SNX29: variants seen among roughly 807,000 people sequenced by gnomAD.
The protein encoded by SNX29 is sorting nexin 29.
In SNX29, 78 loss-of-function variants were observed where a neutral mutation model predicts 102.1. The observed-to-expected ratio is 0.76, with a 90% CI of 0.64 to 0.92. The LOEUF (loss-of-function observed/expected upper bound fraction) is 0.92, where lower values mean the gene tolerates loss of function less well. Among genes scored for constraint, SNX29 ranks in the 40% least tolerant of loss-of-function variants. The pLI, the probability that SNX29 is intolerant of heterozygous loss-of-function variation, is 0.00. For missense variants in SNX29, 1,280 were observed against 1,061.7 expected, an observed-to-expected ratio of 1.21 and a Z score of -2.86; for synonymous variants, 580 against 414.5, an observed-to-expected ratio of 1.40 and a Z score of -4.85.
At chr16:12,167,654 T>A (rs2076048162) in intron 13 of SNX29, among the ~76,000 whole-genome samples, 1 of 152,110 alleles carries the variant, frequency 6.6e-6, no homozygotes, top group East Asian at 1.9e-4. Context: ...CTTTTAATCC[T>A]CCCAATGAGG....
intron 14 of SNX29, among the ~76,000 whole-genome samples, chr16:12,215,246 G>C (rs2077290007): frequency 6.6e-6 from 1 of 151,314 alleles, no homozygotes; most frequent in Non-Finnish European, 1.5e-5. Flanking sequence ...TGTAATCCCA[G>C]CACTTTGAGA....
chr16:12,324,921 C>A (rs565227412), intron 15 of SNX29, among the ~76,000 whole-genome samples: 2 of 152,136 alleles, frequency 1.3e-5, no homozygotes, highest in African/African-American at 4.8e-5. Flanking sequence ...ATAAAAACAG[C>A]GTTTCAACCG....
intron 11 of SNX29, among the ~76,000 whole-genome samples, chr16:12,105,104 C>G (rs984440092): frequency 6.6e-6 from 1 of 152,224 alleles, no homozygotes; most frequent in Non-Finnish European, 1.5e-5. Context: ...GAGCATGAGG[C>G]AACACCGTGA....
chr16:12,558,074 A>T (rs1373689893), intron 20 of SNX29, among the ~76,000 whole-genome samples: 1 of 152,228 alleles, frequency 6.6e-6, no homozygotes, highest in Non-Finnish European at 1.5e-5. Flanking sequence ...TTGTGCTCTG[A>T]ACATCCCATG....
Position 12,052,052 on chromosome 16 carries a change from T to G in SNX29, c.954T>G (p.Ser318Arg). The G allele has an allele frequency of 6.2e-7, 1 of 1,613,956 alleles. No individual in the cohort carries two copies. The highest frequency in any genetic ancestry group is 2.2e-5 in the East Asian group (1 of 44,886). Residue 318 changes from serine to arginine, a missense_variant, in exon 8 of 21, where the codon AGT (serine) becomes AGG (arginine). Ser to Arg is a moderately radical substitution (Grantham distance 110). Coordinates refer to ENST00000566228, the MANE Select transcript of SNX29 (RefSeq NM_032167.5). ...ESPFGPNSNGSQSSNSWKIDS... is the reference protein window; with the variant it reads ...ESPFGPNSNGRQSSNSWKIDS... Reference sequence around the variant, plus strand: ...CCTTCGGGCCTAACTCCAATGGAAGTCAGAGCAGCAACTCATGGAAAATTG... The same window carrying G: ...CCTTCGGGCCTAACTCCAATGGAAGGCAGAGCAGCAACTCATGGAAAATTG...
chr16:12,173,279 G>A (rs948640071), intron 13 of SNX29, among the ~76,000 whole-genome samples: 3 of 152,170 alleles, frequency 2.0e-5, no homozygotes, highest in Non-Finnish European at 2.9e-5. Context: ...AGTTACATTC[G>A]TGGAGCAATG....
chr16:12,511,266 T>C (rs1424010114), intron 19 of SNX29, among the ~76,000 whole-genome samples: 1 of 152,214 alleles, frequency 6.6e-6, no homozygotes. Flanking sequence ...GACAGCCTCA[T>C]ACTCCTGAGC....
chr16:12,224,563 T>G (rs984690820), intron 14 of SNX29, among the ~76,000 whole-genome samples: 3 of 152,098 alleles, frequency 2.0e-5, no homozygotes, highest in Non-Finnish European at 4.4e-5. Context: ...AAAGTGACAT[T>G]TGATCAGAGG....
At chr16:12,214,443 C>A (rs2077269278) in intron 14 of SNX29, among the ~76,000 whole-genome samples, 2 of 152,170 alleles carry the variant, frequency 1.3e-5, no homozygotes, top group South Asian at 2.1e-4. Context: ...TTGTAAAAAG[C>A]CACTTTGATT....
chr16:12,198,763 C>T (rs778039273), intron 13 of SNX29, among the ~76,000 whole-genome samples: 1 of 152,192 alleles, frequency 6.6e-6, no homozygotes, highest in African/African-American at 2.4e-5. Flanking sequence ...CAACTCTTCT[C>T]CTGTAAAATG....
intron 20 of SNX29, among the ~76,000 whole-genome samples, chr16:12,562,286 C>A (rs78827965): frequency 2.6e-5 from 4 of 152,176 alleles, no homozygotes; most frequent in African/African-American, 9.7e-5. Context: ...CGCTCTATCC[C>A]AGCATCAAAC....
chr16:12,170,012 C>T (rs962646722), intron 13 of SNX29, among the ~76,000 whole-genome samples: 8 of 152,238 alleles, frequency 5.3e-5, no homozygotes, highest in South Asian at 2.1e-4. Flanking sequence ...AGTTCTAGAT[C>T]GGGTTTCTTG....
chr16:12,336,909 A>G (rs759231856), intron 15 of SNX29, among the ~76,000 whole-genome samples: 2 of 152,186 alleles, frequency 1.3e-5, no homozygotes, highest in East Asian at 3.8e-4. Flanking sequence ...TGGTGCCACC[A>G]TACTCCAGCT....
intron 11 of SNX29, among the ~76,000 whole-genome samples, chr16:12,116,487 A>G (rs2053707264): frequency 6.6e-6 from 1 of 152,216 alleles, no homozygotes; most frequent in African/African-American, 2.4e-5. Flanking sequence ...AGCCTGGCCA[A>G]CATGGTGAAC....
chr16:12,288,566 A>T (rs1328559098), intron 15 of SNX29, among the ~76,000 whole-genome samples: 2 of 151,832 alleles, frequency 1.3e-5, no homozygotes, highest in Admixed American at 6.6e-5. Flanking sequence ...TCTTTCCTGG[A>T]CAAAGCCAAG....
intron 20 of SNX29, among the ~76,000 whole-genome samples, chr16:12,539,314 C>T (rs1029688998): frequency 5.3e-5 from 8 of 152,030 alleles, no homozygotes; most frequent in East Asian, 1.9e-4. Context: ...CCCTCCCCCT[C>T]TAGTTTTGTC....
chr16:12,351,313 C>T (rs937626211), intron 15 of SNX29, among the ~76,000 whole-genome samples: 1 of 152,212 alleles, frequency 6.6e-6, no homozygotes, highest in Non-Finnish European at 1.5e-5. Context: ...CAGGCCCCTC[C>T]CCACAACCAG....
intron 13 of SNX29, among the ~76,000 whole-genome samples, chr16:12,158,735 G>T (rs1024253785): frequency 6.6e-6 from 1 of 152,210 alleles, no homozygotes; most frequent in Non-Finnish European, 1.5e-5. Context: ...GTGGAACCCT[G>T]CTCCCTCATT....
At chr16:12,130,949 T>C (rs1305608590) in intron 13 of SNX29, among the ~76,000 whole-genome samples, 1 of 152,192 alleles carries the variant, frequency 6.6e-6, no homozygotes, top group Non-Finnish European at 1.5e-5. Context: ...CTACTAATAA[T>C]GCCACAGTGA....
Sources: allele counts gnomAD v4.1 joint callset (sites outside exome capture counted in the v4.1 genomes callset), GRCh38; gene constraint gnomAD v4.1.1; transcripts MANE v1.5; gene names NCBI Gene and HGNC (gene_info 2026-07-23, HGNC 2026-07-21).